Variants in CMSS1 observed in about 807,000 individuals in gnomAD.
CMSS1 encodes the protein cms1 ribosomal small subunit homolog, also known as protein CMSS1.
A neutral mutation model predicts 43.5 loss-of-function variants in CMSS1; 33 were observed. That is an observed-to-expected ratio of 0.76 (90% confidence interval 0.57 to 1.01). The LOEUF is 1.01. CMSS1 is among the 50% of genes least tolerant of loss of function. The pLI, the probability that CMSS1 is intolerant of heterozygous loss-of-function variation, is 0.00. For synonymous variants in CMSS1, 115 were observed against 117.2 expected, an observed-to-expected ratio of 0.98 and a Z score of 0.12; for missense variants, 313 against 326.4, an observed-to-expected ratio of 0.96 and a Z score of 0.32.
At chr3:99,864,922 G>A (rs774256512) in intron 1 of CMSS1, among the ~76,000 whole-genome samples, 1 of 152,030 alleles carries the variant, frequency 6.6e-6, no homozygotes, top group African/African-American at 2.4e-5. Flanking sequence ...GCGCACACAC[G>A]CATCTCATTC....
intron 1 of CMSS1, among the ~76,000 whole-genome samples, chr3:100,054,495 ATGT>A (rs1459088582): frequency 6.0e-5 from 2 of 33,516 alleles, no homozygotes; most frequent in South Asian, 2.1e-3. Context: ...ATGTTTTGTT[ATGT>A]TATGTTATGT....
chr3:99,924,695 T>C (rs1707235608), intron 1 of CMSS1, among the ~76,000 whole-genome samples: 2 of 152,194 alleles, frequency 1.3e-5, no homozygotes, highest in South Asian at 2.1e-4. Context: ...ATTTTTTTTG[T>C]ACTTTTAGTA....
chr3:100,144,556 C>T (rs1444653929), intron 1 of CMSS1, among the ~76,000 whole-genome samples: 5 of 152,124 alleles, frequency 3.3e-5, no homozygotes, highest in Non-Finnish European at 5.9e-5. Flanking sequence ...ATGGAGCCTT[C>T]AGGGGTCCAT....
chr3:100,109,904 C>CCG lies in CMSS1; in HGVS notation c.65-37068_65-37067insGC, dbSNP rs1491570661. On this transcript the variant is annotated intron_variant, in intron 1 of 9. Coordinates refer to ENST00000421999, the MANE Select transcript of CMSS1 (RefSeq NM_032359.4). ...GCATCTGCAAATGTTTCTTTTATGA[C>CCG]CCCCCCCCCCCAGCACCACCCCCCA... The CCG allele has an allele frequency of 6.4e-3, 218 of 33,900 alleles. 3 individuals carry two copies. Among genetic ancestry groups the CCG allele is most frequent in the African/African-American group, 0.05 (196 of 3,930 alleles). 2.1% of individuals were successfully genotyped at this position (33,900 alleles called of 1,614,324 possible).
chr3:100,108,870 A>G (rs1302847195), intron 1 of CMSS1, among the ~76,000 whole-genome samples: 10 of 152,088 alleles, frequency 6.6e-5, no homozygotes, highest in Admixed American at 6.6e-4. Context: ...CTATCTGAAT[A>G]CTAAAATCAG....
intron 1 of CMSS1, among the ~76,000 whole-genome samples, chr3:99,939,559 A>G (rs1312267634): frequency 6.6e-6 from 1 of 152,236 alleles, no homozygotes; most frequent in Non-Finnish European, 1.5e-5. Flanking sequence ...ATAATTTCCC[A>G]GATATTAAAC....
At chr3:99,930,665 A>T (rs529557103) in intron 1 of CMSS1, 2 of 1,250,318 alleles carry the variant, frequency 1.6e-6, no homozygotes, top group East Asian at 2.3e-5. Flanking sequence ...TCATGTACAC[A>T]CATGTATGAA....
At chr3:99,850,238 C>G (rs1332008082) in intron 1 of CMSS1, 2 of 1,613,544 alleles carry the variant, frequency 1.2e-6, no homozygotes, top group Middle Eastern at 1.6e-4. Context: ...TCTGTCTTTT[C>G]TAGCCGACTT....
At chr3:100,173,839 A>G (rs925497756) in intron 8 of CMSS1, among the ~76,000 whole-genome samples, 1 of 152,184 alleles carries the variant, frequency 6.6e-6, no homozygotes, top group Non-Finnish European at 1.5e-5. Flanking sequence ...TCCAGATTCA[A>G]ATCCCAGGTC....
At chr3:99,897,527 T>C (rs966697164) in intron 1 of CMSS1, among the ~76,000 whole-genome samples, 1 of 152,212 alleles carries the variant, frequency 6.6e-6, no homozygotes, top group Admixed American at 6.5e-5. Flanking sequence ...TTACTAGTTA[T>C]TTTTTTAGAT....
chr3:99,929,856 C>T (rs1576580362), intron 1 of CMSS1: 1 of 1,610,238 alleles, frequency 6.2e-7, no homozygotes, highest in Non-Finnish European at 8.5e-7. Context: ...TGGTACATAC[C>T]TCATTCATTG....
At chr3:99,990,097 T>A (rs1709468720) in intron 1 of CMSS1, among the ~76,000 whole-genome samples, 1 of 152,180 alleles carries the variant, frequency 6.6e-6, no homozygotes, top group African/African-American at 2.4e-5. Context: ...GAAAGAGAAA[T>A]ATATTGAACT....
At chr3:99,825,159 A>G (rs1209754836) in intron 1 of CMSS1, among the ~76,000 whole-genome samples, 1 of 152,230 alleles carries the variant, frequency 6.6e-6, no homozygotes, top group Admixed American at 6.5e-5. Context: ...TATTTGTAGG[A>G]GATGTTAATA....
chr3:99,998,999 T>C (rs1709766489), intron 1 of CMSS1, among the ~76,000 whole-genome samples: 1 of 152,254 alleles, frequency 6.6e-6, no homozygotes, highest in Non-Finnish European at 1.5e-5. Flanking sequence ...GTTTATTCTT[T>C]AATACTTAGC....
chr3:99,833,279 GAA>G (rs1391557752), intron 1 of CMSS1: 1 of 1,601,828 alleles, frequency 6.2e-7, no homozygotes, highest in Non-Finnish European at 8.5e-7. Flanking sequence ...GCAGTAGAAA[GAA>G]GAGGAGTAAA....
chr3:99,985,070 T>TG (rs1268051438), intron 1 of CMSS1, among the ~76,000 whole-genome samples: 1 of 152,214 alleles, frequency 6.6e-6, no homozygotes, highest in African/African-American at 2.4e-5. Flanking sequence ...GGTTAGAAGT[T>TG]GCATATTCTG....
rs529659296 is a variant in CMSS1, at chr3:100,143,805, A to C, written c.65-3168A>C. 2.5e-3 allele frequency among the ~76,000 whole-genome samples: 381 copies of C among 152,274 alleles called. 1 individual carries two copies. The highest frequency in any genetic ancestry group is 4.1e-3 in the Non-Finnish European group (278 of 68,024). On this transcript the variant is annotated intron_variant, in intron 1 of 9. Transcript: ENST00000421999. ...TCTTGACAGATTACCCTTTATCATT[A>C]TATAATGTCTCTCTCATTCTCTGGT... is the stretch of plus-strand genomic sequence containing the variant.
At chr3:100,157,438 C>T (rs180935457) in intron 2 of CMSS1, among the ~76,000 whole-genome samples, 1 of 152,298 alleles carries the variant, frequency 6.6e-6, no homozygotes, top group African/African-American at 2.4e-5. Context: ...GGAACCTTAG[C>T]TATCCATTCT....
At chr3:99,849,928 G>C (rs374282857) in intron 1 of CMSS1, 1 of 1,612,604 alleles carries the variant, frequency 6.2e-7, no homozygotes, top group African/African-American at 1.3e-5. Flanking sequence ...ATTAACTCTT[G>C]ACAGGAGATC....
Sources: allele counts gnomAD v4.1 joint callset (sites outside exome capture counted in the v4.1 genomes callset), GRCh38; gene constraint gnomAD v4.1.1; transcripts MANE v1.5; gene names NCBI Gene and HGNC (gene_info 2026-07-23, HGNC 2026-07-21).